CNTNAP5: variants seen among roughly 807,000 people sequenced by gnomAD.
CNTNAP5 encodes the protein contactin associated protein family member 5.
In CNTNAP5, 72 loss-of-function variants were observed where a neutral mutation model predicts 150.2. That is an observed-to-expected ratio of 0.48 (90% CI 0.40 to 0.58). CNTNAP5 has a LOEUF of 0.58. Among genes scored for constraint, CNTNAP5 ranks in the 20% least tolerant of loss-of-function variants. CNTNAP5 has a pLI of 0.00. For synonymous variants in CNTNAP5, 672 were observed against 619.8 expected, an observed-to-expected ratio of 1.08 and a Z score of -1.25; for missense variants, 1,636 against 1,626.2, an observed-to-expected ratio of 1.01 and a Z score of -0.10.
intron 3 of CNTNAP5, among the ~76,000 whole-genome samples, chr2:124,410,380 T>A (rs981329411): frequency 1.3e-5 from 2 of 151,786 alleles, no homozygotes; most frequent in Admixed American, 6.6e-5. Context: ...CAAGCGGACC[T>A]AATAGACATG....
intron 19 of CNTNAP5, among the ~76,000 whole-genome samples, chr2:124,862,273 G>T: frequency 6.6e-6 from 1 of 152,164 alleles, no homozygotes; most frequent in East Asian, 1.9e-4. Flanking sequence ...ACAAGAAAAT[G>T]ATACCAAATA....
In CNTNAP5 at chr2:124,902,745, G is replaced by A. The variant is rs909899021; in HGVS notation, c.3437-137G>A. ...TGGGGAAAGGAGATAAAGAGAGATAGATAGGGGAGGGTTTTCTTTACTCAA... is the reference window on the plus strand; with the variant it reads ...TGGGGAAAGGAGATAAAGAGAGATAAATAGGGGAGGGTTTTCTTTACTCAA... On this transcript the variant is annotated intron_variant, in intron 21 of 23. Transcript: ENST00000682447. The A allele has an allele frequency of 2.9e-5, 16 of 551,322 alleles. No individual in the cohort carries two copies. In the South Asian group the frequency reaches 4.6e-4, roughly 16 times the overall value. 34.2% of individuals were successfully genotyped at this position (551,322 alleles called of 1,614,324 possible).
chr2:124,491,668 T>C (rs1286977552), intron 7 of CNTNAP5, among the ~76,000 whole-genome samples: 1 of 152,168 alleles, frequency 6.6e-6, no homozygotes, highest in African/African-American at 2.4e-5. Flanking sequence ...ACCTCCATGT[T>C]GTTTTGCATA....
chr2:124,578,369 A>T (rs1696341588), intron 11 of CNTNAP5, among the ~76,000 whole-genome samples: 1 of 151,828 alleles, frequency 6.6e-6, no homozygotes, highest in Admixed American at 6.6e-5. Context: ...ATGTGAAAAA[A>T]AACTGCCCTT....
intron 13 of CNTNAP5, among the ~76,000 whole-genome samples, chr2:124,728,098 A>G (rs1680198510): frequency 6.6e-6 from 1 of 152,086 alleles, no homozygotes; most frequent in African/African-American, 2.4e-5. Flanking sequence ...AATGTGGTGT[A>G]TCACATTTAT....
intron 13 of CNTNAP5, among the ~76,000 whole-genome samples, chr2:124,723,016 CTT>C (rs1680078795): frequency 2.0e-5 from 3 of 152,136 alleles, no homozygotes; most frequent in African/African-American, 7.2e-5. Context: ...TCTATAATCT[CTT>C]TACCAAATAA....
intron 19 of CNTNAP5, among the ~76,000 whole-genome samples, chr2:124,855,708 A>G (rs10204235): frequency 0.069 from 10,562 of 152,120 alleles, 1,108 homozygotes; most frequent in African/African-American, 0.23. Context: ...ATTTTATTTT[A>G]TTTTTCAAAA....
intron 10 of CNTNAP5, among the ~76,000 whole-genome samples, chr2:124,527,872 A>T (rs924072465): frequency 6.6e-6 from 1 of 152,244 alleles, no homozygotes; most frequent in African/African-American, 2.4e-5. Context: ...TCTGCAGCAG[A>T]GGTTCCCGAA....
chr2:124,852,400 G>T (rs189512493), intron 19 of CNTNAP5, among the ~76,000 whole-genome samples: 139 of 152,260 alleles, frequency 9.1e-4, no homozygotes, highest in African/African-American at 3.3e-3. Context: ...CAGGAATAAA[G>T]TCTCCAAAGA....
At chr2:124,666,316 T>C (rs1678699112) in intron 13 of CNTNAP5, among the ~76,000 whole-genome samples, 1 of 152,144 alleles carries the variant, frequency 6.6e-6, no homozygotes, top group Non-Finnish European at 1.5e-5. Context: ...GTCTAAAAAT[T>C]TGGAGTCAGC....
chr2:124,685,761 T>C (rs62171300), intron 13 of CNTNAP5, among the ~76,000 whole-genome samples: 14,929 of 133,778 alleles, frequency 0.11, 1,023 homozygotes, highest in African/African-American at 0.19. Flanking sequence ...TGTGTGTGTG[T>C]GCGCGCGCGT....
chr2:124,487,015 G>A (rs578154172), intron 7 of CNTNAP5, among the ~76,000 whole-genome samples: 37 of 152,194 alleles, frequency 2.4e-4, no homozygotes, highest in Non-Finnish European at 5.1e-4. Flanking sequence ...CGCTGAAATT[G>A]TTTTATTTCC....
chr2:124,413,317 T>C (rs371153758), intron 3 of CNTNAP5, among the ~76,000 whole-genome samples: 3 of 151,416 alleles, frequency 2.0e-5, no homozygotes, highest in Non-Finnish European at 4.4e-5. Flanking sequence ...GTGGAAGTCA[T>C]TGTGGCGATT....
intron 1 of CNTNAP5, among the ~76,000 whole-genome samples, chr2:124,071,718 A>G (rs1050906142): frequency 6.6e-6 from 1 of 151,982 alleles, no homozygotes; most frequent in Non-Finnish European, 1.5e-5. Flanking sequence ...GATAGAAGCC[A>G]TAATAAAAAG....
chr2:124,146,548 T>G (rs2104626022), intron 1 of CNTNAP5, among the ~76,000 whole-genome samples: 1 of 152,182 alleles, frequency 6.6e-6, no homozygotes, highest in African/African-American at 2.4e-5. Context: ...ATGAACCAGT[T>G]CTTCAACATC....
chr2:124,671,952 A>G lies in CNTNAP5; in HGVS notation c.2077+23994A>G, dbSNP rs568072164. Among the ~76,000 whole-genome samples the G allele has an allele frequency of 2.2e-4, 33 of 152,246 alleles. 1 individual carries two copies. In the South Asian group the frequency reaches 6.8e-3, roughly 32 times the overall value. ...ACCATACCTCGCCAAGACTCTTTTAAAGAAAGCCCAAAGGCCACCACTTTA... is the reference window on the plus strand; with the variant it reads ...ACCATACCTCGCCAAGACTCTTTTAGAGAAAGCCCAAAGGCCACCACTTTA... On this transcript the variant is annotated intron_variant, in intron 13 of 23. Coordinates refer to ENST00000682447, the MANE Select transcript of CNTNAP5 (RefSeq NM_001367498.1).
chr2:124,911,838 T>G (rs117476129), intron 23 of CNTNAP5, among the ~76,000 whole-genome samples: 2 of 152,082 alleles, frequency 1.3e-5, no homozygotes, highest in Admixed American at 1.3e-4. Context: ...TTTCATACAG[T>G]TTTCACTGTT....
chr2:124,906,931 G>C (rs1211299849), intron 22 of CNTNAP5, among the ~76,000 whole-genome samples: 2 of 152,204 alleles, frequency 1.3e-5, no homozygotes, highest in East Asian at 3.9e-4. Context: ...TCCATAGTTA[G>C]TGGAGATAAC....
At chr2:124,103,213 G>A (rs1412546367) in intron 1 of CNTNAP5, among the ~76,000 whole-genome samples, 3 of 152,040 alleles carry the variant, frequency 2.0e-5, no homozygotes, top group Non-Finnish European at 4.4e-5. Context: ...GTATAGTGGG[G>A]CAATGTGTCT....
Sources: gnomAD v4.1 joint callset for allele counts (sites outside exome capture counted in the v4.1 genomes callset) on GRCh38, gnomAD v4.1.1 for gene constraint, MANE v1.5 for transcripts, NCBI Gene and HGNC (gene_info 2026-07-23, HGNC 2026-07-21) for gene names.